Variants in AFF3 observed in about 807,000 individuals in gnomAD.
AFF3 encodes the protein ALF transcription elongation factor 3.
AFF3 carries 32 observed loss-of-function variants against 129.7 expected under a neutral mutation model. The ratio of observed to expected loss-of-function variants is 0.25; its 90% CI spans 0.19 to 0.33. The LOEUF (loss-of-function observed/expected upper bound fraction) is 0.33. Ranked by LOEUF, AFF3 falls within the 10% of genes least tolerant of loss-of-function variation. AFF3 has a pLI of 1.00. For missense variants in AFF3, 1,373 were observed against 1,592.0 expected, an observed-to-expected ratio of 0.86 and a Z score of 2.34; for synonymous variants, 644 against 635.4, an observed-to-expected ratio of 1.01 and a Z score of -0.20.
At chr2:100,104,550 C>G in intron 3 of AFF3, 32 bp from the exon 4 acceptor site, 1 of 1,089,010 alleles carries the variant, frequency 9.2e-7, no homozygotes, top group Middle Eastern at 4.3e-4. Context: ...AAGGTGCATC[C>G]CAGCCGCGCC....
intron 7 of AFF3, among the ~76,000 whole-genome samples, chr2:99,861,333 G>A (rs1032289499): frequency 8.5e-5 from 13 of 152,126 alleles, no homozygotes; most frequent in African/African-American, 3.1e-4. Context: ...ATGGTAATAC[G>A]ATATGGGGAG....
chr2:99,551,157 T>A lies in AFF3; in HGVS notation c.*317A>T, dbSNP rs1338686363. ...TGTGATTGTGTGTGAGTGTACGGTG[T>A]GTGTGTGTGTGTGTGTGTGTGTGTG... is the stretch of plus-strand genomic sequence containing the variant. On this transcript the variant is annotated 3_prime_UTR_variant, in exon 25 of 25. Transcript: ENST00000672756. 1.4e-5 allele frequency: 2 copies of A among 145,000 alleles called. No individual in the cohort carries two copies. Among genetic ancestry groups the A allele is most frequent in the South Asian group, 1.7e-4 (1 of 5,906 alleles). The allele number at this position is 145,000 out of a possible 1,614,324, so 9.0% of individuals were successfully genotyped here.
At chr2:99,587,375 C>T in intron 15 of AFF3, 97 bp from the exon 16 acceptor site, 1 of 1,455,668 alleles carries the variant, frequency 6.9e-7, no homozygotes, top group East Asian at 2.3e-5. Flanking sequence ...CTCCTGGGAG[C>T]CCCACTCACC....
Position 99,859,837 on chromosome 2 carries a change from C to T in AFF3, c.874-22313G>A, listed in dbSNP as rs76397761. Reference sequence around the variant, plus strand: ...ATGCTACAGAAGGGCCAGACGAAACCGGGAGCTTAGGCCTGGGGGTGATCA... The same window carrying T: ...ATGCTACAGAAGGGCCAGACGAAACTGGGAGCTTAGGCCTGGGGGTGATCA... On this transcript the variant is annotated intron_variant, in intron 7 of 24. Coordinates refer to ENST00000672756, the MANE Select transcript of AFF3 (RefSeq NM_001386135.1). 2.4e-3 allele frequency among the ~76,000 whole-genome samples: 371 copies of T among 152,214 alleles called. 1 individual carries two copies. Among genetic ancestry groups the T allele is most frequent in the Middle Eastern group, 0.01 (3 of 294 alleles).
intron 7 of AFF3, among the ~76,000 whole-genome samples, chr2:99,926,321 T>G (rs1225387436): frequency 1.3e-5 from 2 of 152,174 alleles, no homozygotes; most frequent in Non-Finnish European, 2.9e-5. Context: ...CCAGTAAGCA[T>G]GCACACCCGA....
In AFF3 at chr2:100,095,542, C is replaced by A. The variant is rs184803812; in HGVS notation, c.53+8860G>T. 7.9e-3 allele frequency among the ~76,000 whole-genome samples: 1,207 copies of A among 152,238 alleles called. 20 individuals carry two copies. The highest frequency in any genetic ancestry group is 0.028 in the African/African-American group (1,142 of 41,518). ...CTCAAGACTGCAAGATTTAAATTTGCCCTACTATTCGTGAAAATTCACCTT... is the reference window on the plus strand; with the variant it reads ...CTCAAGACTGCAAGATTTAAATTTGACCTACTATTCGTGAAAATTCACCTT... On this transcript the variant is annotated intron_variant, in intron 4 of 24. Coordinates refer to ENST00000672756, the MANE Select transcript of AFF3 (RefSeq NM_001386135.1).
chr2:100,093,752 C>A (rs1203409246), intron 4 of AFF3, among the ~76,000 whole-genome samples: 1 of 152,162 alleles, frequency 6.6e-6, no homozygotes, highest in African/African-American at 2.4e-5. Flanking sequence ...TCAGCAGGCT[C>A]CAAGTCAAAC....
intron 8 of AFF3, among the ~76,000 whole-genome samples, chr2:99,761,185 CTT>C (rs113789471): frequency 1.0e-4 from 14 of 138,268 alleles, no homozygotes; most frequent in Admixed American, 2.2e-4. Flanking sequence ...CAGGTGACTT[CTT>C]TTTTTTTTTT....
intron 10 of AFF3, among the ~76,000 whole-genome samples, chr2:99,736,263 C>T (rs1484721358): frequency 2.0e-5 from 3 of 152,130 alleles, no homozygotes; most frequent in African/African-American, 7.2e-5. Context: ...GTGACTTTTA[C>T]TTTTAAAAAT....
chr2:100,082,634 G>A (rs541036285), intron 4 of AFF3, among the ~76,000 whole-genome samples: 1 of 152,206 alleles, frequency 6.6e-6, no homozygotes, highest in South Asian at 2.1e-4. Flanking sequence ...TTGCATAATG[G>A]AGGGGAAAAA....
chr2:99,579,420 AT>A (rs1472704498), intron 17 of AFF3, among the ~76,000 whole-genome samples: 91 of 133,178 alleles, frequency 6.8e-4, no homozygotes, highest in Admixed American at 2.4e-3. Flanking sequence ...AAAAAAAAAA[AT>A]AAATAAATAA....
intron 4 of AFF3, among the ~76,000 whole-genome samples, chr2:100,073,205 A>G (rs961968251): frequency 6.6e-6 from 1 of 152,216 alleles, no homozygotes; most frequent in Admixed American, 6.5e-5. Flanking sequence ...GTTGTTGCAG[A>G]CCTAGTTAAG....
At chr2:99,869,030 AT>A (rs1691654171) in intron 7 of AFF3, among the ~76,000 whole-genome samples, 2 of 131,218 alleles carry the variant, frequency 1.5e-5, no homozygotes, top group African/African-American at 2.6e-5. Context: ...GCCTCAAGTG[AT>A]CCCTCTGCCT....
chr2:99,549,142 C>T lies in AFF3; in HGVS notation c.*2332G>A, dbSNP rs1341807458. ...TCTCCAGGTATGCAGGATAGACCTC[C>T]AGGGCCATCCCTTTATGTGTTTGAA... On this transcript the variant is annotated 3_prime_UTR_variant, in exon 25 of 25. Transcript: ENST00000672756. The T allele has an allele frequency of 4.5e-6, 1 of 223,144 alleles. No homozygotes were observed. The highest frequency in any genetic ancestry group is 2.2e-5 in the African/African-American group (1 of 44,728). 13.8% of individuals were successfully genotyped at this position (223,144 alleles called of 1,614,324 possible).
chr2:99,626,244 C>T (rs894426978), intron 13 of AFF3, among the ~76,000 whole-genome samples: 1 of 152,186 alleles, frequency 6.6e-6, no homozygotes, highest in Non-Finnish European at 1.5e-5. Context: ...CCCAAGCTCA[C>T]GTTTGTTGTT....
chr2:100,018,689 A>G (rs1192597797), intron 4 of AFF3, among the ~76,000 whole-genome samples: 1 of 152,038 alleles, frequency 6.6e-6, no homozygotes, highest in African/African-American at 2.4e-5. Flanking sequence ...ACTCTGATTT[A>G]CCATCTTCTC....
intron 4 of AFF3, among the ~76,000 whole-genome samples, chr2:100,029,197 G>A (rs1684287630): frequency 6.6e-6 from 1 of 152,150 alleles, no homozygotes; most frequent in Admixed American, 6.5e-5. Context: ...TGGAGACAGG[G>A]TCCCTAAAGA....
At chr2:100,001,780 T>C (rs1681443622) in intron 7 of AFF3, among the ~76,000 whole-genome samples, 1 of 152,164 alleles carries the variant, frequency 6.6e-6, no homozygotes, top group South Asian at 2.1e-4. Context: ...GACTGGAAAA[T>C]ATGGAAATAT....
At chr2:100,047,273 A>G (rs886436099) in intron 4 of AFF3, among the ~76,000 whole-genome samples, 19 of 152,230 alleles carry the variant, frequency 1.2e-4, no homozygotes, top group Non-Finnish European at 2.5e-4. Context: ...TTTATTTAAA[A>G]CACTGAACTT....
Sources: gnomAD v4.1 joint callset for allele counts (sites outside exome capture counted in the v4.1 genomes callset) on GRCh38, gnomAD v4.1.1 for gene constraint, MANE v1.5 for transcripts, NCBI Gene and HGNC (gene_info 2026-07-23, HGNC 2026-07-21) for gene names.